STARD13: variants seen among roughly 807,000 people sequenced by gnomAD.
STARD13 encodes stAR-related lipid transfer protein 13.
A neutral mutation model predicts 106.4 loss-of-function variants in STARD13; 62 were observed. That is an observed-to-expected ratio of 0.58 (90% CI 0.48 to 0.72). The LOEUF (loss-of-function observed/expected upper bound fraction) is 0.72. Ranked by LOEUF, STARD13 falls within the 30% of genes least tolerant of loss-of-function variation. STARD13 has a pLI of 0.00. For synonymous variants in STARD13, 565 were observed against 553.0 expected (o/e 1.02, Z -0.31); for missense variants, 1,387 against 1,424.0 (o/e 0.97, Z 0.42).
chr13:33,509,729 T>A, the STARD13 span, among the ~76,000 whole-genome samples: 3 of 152,150 alleles, frequency 2.0e-5, no homozygotes, highest in Non-Finnish European at 2.9e-5. Context: ...AGCCAACAGA[T>A]CTGTCAGGAG....
the STARD13 span, among the ~76,000 whole-genome samples, chr13:33,628,292 C>A: frequency 6.6e-6 from 1 of 152,084 alleles, no homozygotes. Flanking sequence ...TGCTCTGTAC[C>A]TGGTACTAAT....
At chr13:33,202,077 C>T (rs1198368958) in intron 1 of STARD13, among the ~76,000 whole-genome samples, 2 of 152,116 alleles carry the variant, frequency 1.3e-5, no homozygotes, top group Admixed American at 6.5e-5. Context: ...ATCAGAGGAT[C>T]TTGATAAATG....
chr13:33,119,723 C>G (rs1197885395), intron 7 of STARD13, among the ~76,000 whole-genome samples: 1 of 152,206 alleles, frequency 6.6e-6, no homozygotes, highest in Non-Finnish European at 1.5e-5. Context: ...TCTAATCCCA[C>G]ACATCAGGAT....
chr13:33,438,853 G>T, the STARD13 span, among the ~76,000 whole-genome samples: 48 of 152,256 alleles, frequency 3.2e-4, no homozygotes, highest in African/African-American at 1.1e-3. Context: ...AATAATGCTG[G>T]CACCAATGCA....
chr13:33,163,623 TAAAAC>T (rs1566038554), intron 3 of STARD13, among the ~76,000 whole-genome samples: 148 of 118,546 alleles, frequency 1.2e-3, no homozygotes, highest in African/African-American at 5.4e-3. Flanking sequence ...TATATATATA[TAAAAC>T]ATATATATAT....
intron 1 of STARD13, among the ~76,000 whole-genome samples, chr13:33,192,404 C>A (rs554857621): frequency 5.8e-4 from 88 of 152,222 alleles, no homozygotes; most frequent in African/African-American, 2.1e-3. Flanking sequence ...AGTATTTGCC[C>A]TGATATAAGT....
the STARD13 span, among the ~76,000 whole-genome samples, chr13:33,621,410 G>A: frequency 5.3e-5 from 8 of 152,072 alleles, no homozygotes; most frequent in South Asian, 1.2e-3. Flanking sequence ...GGGCACAGTC[G>A]CTTACGCCTG....
intron 10 of STARD13, 24 bp from the exon 11 acceptor site, chr13:33,110,931 G>A (rs1333665040): frequency 1.3e-6 from 2 of 1,593,066 alleles, no homozygotes; most frequent in South Asian, 1.1e-5. Context: ...TGCATGAAAG[G>A]GCAACACACT....
chr13:33,182,392 T>C (rs1885326840), intron 1 of STARD13, among the ~76,000 whole-genome samples: 1 of 152,186 alleles, frequency 6.6e-6, no homozygotes, highest in South Asian at 2.1e-4. Flanking sequence ...AGTCCCCATA[T>C]TCTCACTACA....
At chr13:33,174,673 G>T (rs1055933548) in intron 1 of STARD13, among the ~76,000 whole-genome samples, 12 of 152,196 alleles carry the variant, frequency 7.9e-5, no homozygotes, top group African/African-American at 2.2e-4. Context: ...AACTTGAGGG[G>T]CAATTTGTTC....
chr13:33,667,892 G>T, the STARD13 span, among the ~76,000 whole-genome samples: 2 of 152,206 alleles, frequency 1.3e-5, no homozygotes, highest in African/African-American at 2.4e-5. Flanking sequence ...ACATGTGAAG[G>T]TGTAAACAGA....
chr13:33,527,361 A>G, the STARD13 span, among the ~76,000 whole-genome samples: 2,458 of 152,172 alleles, frequency 0.016, 76 homozygotes, highest in African/African-American at 0.055. Flanking sequence ...TCATTCTGTA[A>G]GGTTGCTATG....
At chr13:33,659,712 A>G in the STARD13 span, 1 of 152,234 alleles carries the variant, frequency 6.6e-6, no homozygotes, top group Non-Finnish European at 1.5e-5. Flanking sequence ...AAATGAAGTC[A>G]GTAGGCTCAT....
At chr13:33,559,666 C>T in the STARD13 span, among the ~76,000 whole-genome samples, 1 of 151,312 alleles carries the variant, frequency 6.6e-6, no homozygotes, top group Admixed American at 6.6e-5. Flanking sequence ...CCAGCCTGGC[C>T]TGAACATAGT....
intron 1 of STARD13, among the ~76,000 whole-genome samples, chr13:33,176,230 T>A (rs1392825910): frequency 2.6e-5 from 4 of 152,220 alleles, no homozygotes; most frequent in Non-Finnish European, 5.9e-5. Context: ...TCCTATTATC[T>A]GAGTATACAT....
At chr13:33,177,367 C>G (rs537608298) in intron 1 of STARD13, among the ~76,000 whole-genome samples, 1 of 152,042 alleles carries the variant, frequency 6.6e-6, no homozygotes, top group South Asian at 2.1e-4. Flanking sequence ...GGCAAATGTA[C>G]GAATAGAAGG....
chr13:33,453,776 A>G, the STARD13 span, among the ~76,000 whole-genome samples: 2 of 152,240 alleles, frequency 1.3e-5, no homozygotes, highest in African/African-American at 4.8e-5. Context: ...TGTTTTTAAA[A>G]AAGAGTGTGT....
chr13:33,116,029 A>G (rs1875316957), intron 8 of STARD13, among the ~76,000 whole-genome samples: 1 of 152,224 alleles, frequency 6.6e-6, no homozygotes. Context: ...ACAGCTGAGA[A>G]CACTGTAACT....
intron 1 of STARD13, among the ~76,000 whole-genome samples, chr13:33,197,085 A>C (rs1886675609): frequency 6.6e-6 from 1 of 152,052 alleles, no homozygotes; most frequent in South Asian, 2.1e-4. Context: ...GGGGAAATGA[A>C]TATAGGGTGG....
Sources: gnomAD v4.1 joint callset for allele counts (sites outside exome capture counted in the v4.1 genomes callset) on GRCh38, gnomAD v4.1.1 for gene constraint, MANE v1.5 for transcripts, NCBI Gene and HGNC (gene_info 2026-07-23, HGNC 2026-07-21) for gene names.